VIPR1: variants seen among roughly 807,000 people sequenced by gnomAD.
VIPR1 encodes the protein vasoactive intestinal peptide receptor 1.
VIPR1 carries 59 observed loss-of-function variants against 58.8 expected under a neutral mutation model. The ratio of observed to expected loss-of-function variants is 1.00; its 90% CI spans 0.81 to 1.25. The LOEUF (loss-of-function observed/expected upper bound fraction) is 1.25, where lower values mean the gene tolerates loss of function less well. VIPR1 is among the 50% of genes most tolerant of loss of function. The pLI, the probability that VIPR1 is intolerant of heterozygous loss-of-function variation, is 0.00. For missense variants in VIPR1, 626 were observed against 602.7 expected (o/e 1.04, Z -0.40); for synonymous variants, 251 against 242.1 (o/e 1.04, Z -0.34).
rs1383159195 is a variant in VIPR1 at position 42,536,236 on chromosome 3, T to C, written c.1329T>C (p.Gly443=). The change falls in exon 13 of 13, where the codon GGT becomes GGC. Residue 443 remains glycine, a synonymous_variant. Transcript: ENST00000325123. ...CCATGCTGACCCGCGTCAGCCCAGG[T>C]GCCCGCCGCTCCTCCAGCTTCCAAG... The part of the protein sequence containing the change: ...QVSMLTRVSP[G]ARRSSSFQAE... 4 of 1,573,612 alleles carry C rather than the reference T, an allele frequency of 2.5e-6. No homozygotes were observed. Among genetic ancestry groups the C allele is most frequent in the Admixed American group, 1.8e-5 (1 of 55,094 alleles).
At chr3:42,502,887 G>A in intron 1 of VIPR1, 74 bp downstream of exon 1, 1 of 1,111,340 alleles carries the variant, frequency 9.0e-7, no homozygotes, top group Non-Finnish European at 1.1e-6. Flanking sequence ...GGGGGATGGC[G>A]GGAGCCGGGC....
intron 1 of VIPR1, 39 bp from the exon 2 acceptor site, chr3:42,513,710 T>C: frequency 6.5e-7 from 1 of 1,547,696 alleles, no homozygotes; most frequent in Non-Finnish European, 8.7e-7. Flanking sequence ...CCTGAGTCTA[T>C]GGACGAGGCT....
upstream of VIPR1, chr3:42,500,044 G>A (rs902600687): frequency 1.3e-5 from 2 of 152,340 alleles, no homozygotes; most frequent in Admixed American, 1.3e-4. Flanking sequence ...CCTTTGATAG[G>A]TAAGGAAGGG....
chr3:42,499,343 A>C (rs1045440214), upstream of VIPR1, among the ~76,000 whole-genome samples: 26 of 152,226 alleles, frequency 1.7e-4, no homozygotes, highest in Non-Finnish European at 1.8e-4. Flanking sequence ...GGCGGCACAC[A>C]GCGCATGGAT....
At chr3:42,510,269 C>T (rs1417030875) in intron 1 of VIPR1, among the ~76,000 whole-genome samples, 1 of 152,194 alleles carries the variant, frequency 6.6e-6, no homozygotes, top group African/African-American at 2.4e-5. Flanking sequence ...TCCTCCATGA[C>T]CTACCTCTAC....
intron 1 of VIPR1, among the ~76,000 whole-genome samples, chr3:42,505,717 G>A (rs1700091747): frequency 6.6e-6 from 1 of 152,250 alleles, no homozygotes; most frequent in Admixed American, 6.5e-5. Context: ...GGGGAGCCCA[G>A]GCTGGAAACA....
At position 42,502,830 on chromosome 3, in the gene VIPR1, C is replaced by T; in HGVS notation, c.78+17C>T. ...GGGCCGGCGGTGAGTGTTCGCCCGG[C>T]CGCCCAGAGTCCCGGCAGCCTGGGG... On this transcript the variant is annotated intron_variant, in intron 1 of 12. Transcript: ENST00000325123. 3 of 1,252,902 alleles carry T rather than the reference C, an allele frequency of 2.4e-6. No homozygotes were observed. The highest frequency in any genetic ancestry group is 3.0e-6 in the Non-Finnish European group (3 of 998,588). The allele number at this position is 1,252,902 out of a possible 1,614,324, so 77.6% of individuals were successfully genotyped here. A position where few individuals can be genotyped will look rare whatever the true frequency, so the allele number is the denominator to read the frequency against.
At chr3:42,527,878 C>T (rs1021588027) in intron 5 of VIPR1, 113 bp from the exon 6 acceptor site, 5 of 1,446,912 alleles carry the variant, frequency 3.5e-6, no homozygotes, top group African/African-American at 1.4e-5. Flanking sequence ...GGGGCCTGCC[C>T]TCTGGAGGAC....
chr3:42,506,217 C>A (rs1430876777), intron 1 of VIPR1, among the ~76,000 whole-genome samples: 1 of 152,180 alleles, frequency 6.6e-6, no homozygotes, highest in Non-Finnish European at 1.5e-5. Flanking sequence ...CCTCTCAGAG[C>A]AGATGGGCCT....
intron 1 of VIPR1, among the ~76,000 whole-genome samples, chr3:42,491,227 C>T (rs1699658931): frequency 6.6e-6 from 1 of 152,140 alleles, no homozygotes; most frequent in South Asian, 2.1e-4. Flanking sequence ...AAGCAAACAA[C>T]TGGTAAAAAT....
rs1701856927 is a variant in VIPR1, at chr3:42,536,458, G to A, written c.*177G>A. 1.7e-6 allele frequency: 1 copy of A among 588,598 alleles called. No homozygotes were observed. Among genetic ancestry groups the A allele is most frequent in the Admixed American group, 4.0e-5 (1 of 24,998 alleles). 36.5% of individuals were successfully genotyped at this position (588,598 alleles called of 1,614,324 possible). A position where few individuals can be genotyped will look rare whatever the true frequency, so the allele number is the denominator to read the frequency against. On this transcript the variant is annotated 3_prime_UTR_variant, in exon 13 of 13. Coordinates refer to ENST00000325123, the MANE Select transcript of VIPR1 (RefSeq NM_004624.4). ...CCTAGAGAACGCAGCCCTAGAGCCTGCCTGGAGCGTTTCTAGCAAGTGAGA... is the reference window on the plus strand; with the variant it reads ...CCTAGAGAACGCAGCCCTAGAGCCTACCTGGAGCGTTTCTAGCAAGTGAGA...
At chr3:42,533,430 C>CGGGGGGGGAGG (rs200121593) in intron 10 of VIPR1, 2 of 65,692 alleles carry the variant, frequency 3.0e-5, no homozygotes, top group Non-Finnish European at 5.2e-5. Context: ...CTGGGGGGGA[C>CGGGGGGGGAGG]GGGGGGGGCA....
At chr3:42,491,551 C>T (rs975620452) in intron 1 of VIPR1, among the ~76,000 whole-genome samples, 9 of 152,048 alleles carry the variant, frequency 5.9e-5, no homozygotes, top group Non-Finnish European at 1.2e-4. Flanking sequence ...TTGAAGCTTT[C>T]TTTCTTTATT....
rs990329892 is a variant in VIPR1, at chr3:42,536,917, C to G, written c.*636C>G. The G allele has an allele frequency of 1.3e-5, 2 of 152,154 alleles. No homozygotes were observed. The highest frequency in any genetic ancestry group is 2.4e-5 in the African/African-American group (1 of 41,424). The allele number at this position is 152,154 out of a possible 1,614,324, so 9.4% of individuals were successfully genotyped here. ...TGGTTCCCCACCGAAGTGGACTGGC[C>G]CCTGGGTCAGTCTGGTGGGAGGACG... is the stretch of plus-strand genomic sequence containing the variant. On this transcript the variant is annotated 3_prime_UTR_variant, in exon 13 of 13. Transcript: ENST00000325123.
chr3:42,505,074 G>T lies in VIPR1; in HGVS notation c.78+2261G>T, dbSNP rs188250253. Among the ~76,000 whole-genome samples, 131 of 152,200 alleles carry T rather than the reference G, an allele frequency of 8.6e-4. No homozygotes were observed. The Middle Eastern group carries it at 0.01, about 12-fold the overall frequency. On this transcript the variant is annotated intron_variant, in intron 1 of 12. Transcript: ENST00000325123. ...TCAGGGCAATGCCCAGTACGAGGCT[G>T]GGGGAGGAGGGTCACAGGCCTCCTC...
chr3:42,502,651 A>C lies in VIPR1; in HGVS notation c.-85A>C. Reference sequence around the variant, plus strand: ...GCCACAGCGCCAGCGCCACTCTGCCAGGCTCCCGGCCATCGCCCGCCTGGT... The same window carrying C: ...GCCACAGCGCCAGCGCCACTCTGCCCGGCTCCCGGCCATCGCCCGCCTGGT... On this transcript the variant is annotated 5_prime_UTR_variant, in exon 1 of 13. Transcript: ENST00000325123. 9.3e-7 allele frequency: 1 copy of C among 1,075,914 alleles called. No individual in the cohort carries two copies. Among genetic ancestry groups the C allele is most frequent in the Non-Finnish European group, 1.2e-6 (1 of 843,946 alleles). The allele number at this position is 1,075,914 out of a possible 1,614,324, so 66.6% of individuals were successfully genotyped here. A position where few individuals can be genotyped will look rare whatever the true frequency, so the allele number is the denominator to read the frequency against.
chr3:42,509,134 G>A (rs184409115), intron 1 of VIPR1: 1 of 152,300 alleles, frequency 6.6e-6, no homozygotes, highest in East Asian at 1.9e-4. Flanking sequence ...AATCATCCAT[G>A]GAGGCTCTGC....
At chr3:42,515,751 G>A (rs2125648800) in intron 2 of VIPR1, among the ~76,000 whole-genome samples, 1 of 152,292 alleles carries the variant, frequency 6.6e-6, no homozygotes, top group Admixed American at 6.5e-5. Context: ...GTGCCTCTGG[G>A]GTCTATAGCT....
chr3:42,513,759 C>G lies in VIPR1; in HGVS notation c.89C>G (p.Ala30Gly), dbSNP rs193233046. 1.9e-6 allele frequency: 3 copies of G among 1,551,378 alleles called. No homozygotes were observed. In the South Asian group the frequency reaches 3.6e-5, roughly 18 times the overall value. ...AWALGPAGGQ[A>G]ARLQEECDYV... ...TGTCTTTGTTCTCAGGGCGGCCAGGCGGCCAGGCTGCAGGAGGAGTGTGAC... is the reference window on the plus strand; with the variant it reads ...TGTCTTTGTTCTCAGGGCGGCCAGGGGGCCAGGCTGCAGGAGGAGTGTGAC... The change falls in exon 2 of 13, where the codon GCG (alanine) becomes GGG (glycine). Residue 30 changes from alanine to glycine, a missense_variant. By Grantham distance (60) the Ala-to-Gly change is moderately conservative. Transcript: ENST00000325123.
Sources: gnomAD v4.1 joint callset for allele counts (sites outside exome capture counted in the v4.1 genomes callset) on GRCh38, gnomAD v4.1.1 for gene constraint, MANE v1.5 for transcripts, NCBI Gene and HGNC (gene_info 2026-07-23, HGNC 2026-07-21) for gene names.